DIS3L2: variants seen among roughly 807,000 people sequenced by gnomAD.
The protein encoded by DIS3L2 is DIS3-like exonuclease 2.
DIS3L2 carries 34 observed loss-of-function variants against 97.5 expected under a neutral mutation model. The ratio of observed to expected loss-of-function variants is 0.35; its 90% CI spans 0.27 to 0.46. DIS3L2 has a LOEUF of 0.46. DIS3L2 is among the 20% of genes least tolerant of loss of function. The probability of loss-of-function intolerance (pLI) is 1.00; values close to 1 mark genes in which losing one functional copy is unlikely to be tolerated. For missense variants in DIS3L2, 1,038 were observed against 1,146.0 expected (o/e 0.91, Z 1.36); for synonymous variants, 435 against 445.2 (o/e 0.98, Z 0.29).
downstream of DIS3L2, among the ~76,000 whole-genome samples, chr2:232,340,023 G>A (rs980893530): frequency 2.0e-5 from 3 of 152,126 alleles, no homozygotes. Context: ...TGGTGGCCTG[G>A]GCGCGTTTAG....
chr2:231,984,460 C>T (rs1349958003), intron 1 of DIS3L2, among the ~76,000 whole-genome samples: 3 of 148,758 alleles, frequency 2.0e-5, no homozygotes. Flanking sequence ...GATCTCGGCT[C>T]ACTGCAAGCT....
intron 5 of DIS3L2, among the ~76,000 whole-genome samples, chr2:232,070,653 C>G (rs1176193329): frequency 6.6e-6 from 1 of 151,174 alleles, no homozygotes; most frequent in Non-Finnish European, 1.5e-5. Flanking sequence ...GGCGCCATCT[C>G]CAGTCACTGC....
intron 10 of DIS3L2, among the ~76,000 whole-genome samples, chr2:232,215,266 A>G (rs950993269): frequency 6.6e-6 from 1 of 152,108 alleles, no homozygotes; most frequent in Non-Finnish European, 1.5e-5. Flanking sequence ...TTCCTCTCTG[A>G]ACCATGAAAC....
At chr2:232,319,623 A>AGGCTGCCTGGGCTT (rs1007133363) in intron 14 of DIS3L2, among the ~76,000 whole-genome samples, 5 of 152,180 alleles carry the variant, frequency 3.3e-5, no homozygotes, top group Admixed American at 6.5e-5. Context: ...GGAGGCCTGA[A>AGGCTGCCTGGGCTT]GGCTGCCTGG....
At chr2:232,307,992 C>T (rs1299392648) in intron 14 of DIS3L2, among the ~76,000 whole-genome samples, 1 of 152,174 alleles carries the variant, frequency 6.6e-6, no homozygotes, top group Non-Finnish European at 1.5e-5. Flanking sequence ...AGTGCTGATT[C>T]CAGCCGTTTC....
chr2:232,015,380 T>C (rs2106221311), intron 2 of DIS3L2, 134 bp from the exon 3 acceptor site: 4 of 1,217,642 alleles, frequency 3.3e-6, no homozygotes, highest in Non-Finnish European at 4.5e-6. Flanking sequence ...TTGTTATTGT[T>C]AAAAATCACC....
At chr2:232,275,893 C>T (rs934109871) in intron 13 of DIS3L2, among the ~76,000 whole-genome samples, 2 of 152,158 alleles carry the variant, frequency 1.3e-5, no homozygotes, top group Admixed American at 6.5e-5. Flanking sequence ...TGGCTGCTTT[C>T]GTGTTCTACA....
intron 15 of DIS3L2, 26 bp from the exon 16 acceptor site, chr2:232,330,664 C>G: frequency 6.2e-7 from 1 of 1,613,246 alleles, no homozygotes; most frequent in Non-Finnish European, 8.5e-7. Context: ...CCACACGTCA[C>G]ATAGGTTTCT....
intron 8 of DIS3L2, among the ~76,000 whole-genome samples, chr2:232,159,634 A>G (rs1690593990): frequency 6.6e-6 from 1 of 152,190 alleles, no homozygotes; most frequent in Admixed American, 6.5e-5. Flanking sequence ...ACTTTATGGC[A>G]TTCACTAGTA....
chr2:232,144,789 C>T (rs1038010492), intron 8 of DIS3L2, among the ~76,000 whole-genome samples: 5 of 152,146 alleles, frequency 3.3e-5, no homozygotes, highest in Non-Finnish European at 2.9e-5. Flanking sequence ...TTGTCCTTCA[C>T]GAACTTTACA....
At chr2:232,059,004 C>G (rs1695626338) in intron 5 of DIS3L2, among the ~76,000 whole-genome samples, 1 of 151,866 alleles carries the variant, frequency 6.6e-6, no homozygotes, top group Non-Finnish European at 1.5e-5. Flanking sequence ...AGTTCATAGT[C>G]TTGTATTTTG....
chr2:232,137,904 T>C (rs1435079786), intron 8 of DIS3L2, among the ~76,000 whole-genome samples: 1 of 152,192 alleles, frequency 6.6e-6, no homozygotes, highest in African/African-American at 2.4e-5. Context: ...ATAGTCCTTC[T>C]TACAAGCTTG....
intron 9 of DIS3L2, among the ~76,000 whole-genome samples, chr2:232,201,305 C>A (rs984024814): frequency 6.6e-6 from 1 of 152,176 alleles, no homozygotes; most frequent in Admixed American, 6.5e-5. Context: ...TCTAGTCAAG[C>A]CTTTTTACCC....
intron 10 of DIS3L2, among the ~76,000 whole-genome samples, chr2:232,234,888 AAG>A (rs1692890425): frequency 6.6e-6 from 1 of 152,170 alleles, no homozygotes. Flanking sequence ...GCTCTTCAGA[AAG>A]AGAGCAGGTG....
At chr2:232,279,531 TTTGTTTG>T (rs1694229046) in intron 13 of DIS3L2, among the ~76,000 whole-genome samples, 2 of 151,756 alleles carry the variant, frequency 1.3e-5, no homozygotes, top group Admixed American at 6.6e-5. Flanking sequence ...TGTTTGTTTG[TTTGTTTG>T]TTTGTTTTTT....
At chr2:232,024,390 G>A (rs999217652) in intron 4 of DIS3L2, 60 bp downstream of exon 4, 42 of 1,303,636 alleles carry the variant, frequency 3.2e-5, no homozygotes, top group South Asian at 3.0e-4. Flanking sequence ...GATCTGCTCC[G>A]AAACTGAAAT....
intron 11 of DIS3L2, among the ~76,000 whole-genome samples, chr2:232,242,225 G>A (rs1013546293): frequency 1.3e-5 from 2 of 152,244 alleles, no homozygotes; most frequent in African/African-American, 2.4e-5. Context: ...CAGTGTGTAA[G>A]TAGGGAGCTA....
At chr2:232,327,671 T>TCATGTGGGGGA (rs1483135376) in intron 14 of DIS3L2, among the ~76,000 whole-genome samples, 1 of 152,168 alleles carries the variant, frequency 6.6e-6, no homozygotes, top group Non-Finnish European at 1.5e-5. Context: ...CAGTCAGTGT[T>TCATGTGGGGGA]CATGTGGGGG....
intron 14 of DIS3L2, among the ~76,000 whole-genome samples, chr2:232,302,956 CCTCTCTGGCAGGGTTGCATGGGG>C (rs1694900195): frequency 6.6e-6 from 1 of 152,126 alleles, no homozygotes; most frequent in Non-Finnish European, 1.5e-5. Flanking sequence ...ATTAATAATA[CCTCTCTGGCAGGGTTGCATGGGG>C]CTCTCTGGCC....
Sources: allele counts gnomAD v4.1 joint callset (sites outside exome capture counted in the v4.1 genomes callset), GRCh38; gene constraint gnomAD v4.1.1; transcripts MANE v1.5; gene names NCBI Gene and HGNC (gene_info 2026-07-23, HGNC 2026-07-21).